The following NTRK3 variants were observed in gnomAD, a reference collection of about 807,000 sequenced individuals.
NTRK3 encodes the protein neurotrophic receptor tyrosine kinase 3.
NTRK3 carries 24 observed loss-of-function variants against 91.7 expected under a neutral mutation model. The ratio of observed to expected loss-of-function variants is 0.26; its 90% CI spans 0.19 to 0.37. NTRK3 has a LOEUF of 0.37. Among genes scored for constraint, NTRK3 ranks in the 10% least tolerant of loss-of-function variants. The pLI, the probability that NTRK3 is intolerant of heterozygous loss-of-function variation, is 1.00. For synonymous variants in NTRK3, 483 were observed against 404.0 expected (o/e 1.20, Z -2.34); for missense variants, 880 against 1,068.9 (o/e 0.82, Z 2.46).
intron 13 of NTRK3, among the ~76,000 whole-genome samples, chr15:88,121,683 G>T (rs2151066889): frequency 6.6e-6 from 1 of 152,298 alleles, no homozygotes; most frequent in South Asian, 2.1e-4. Context: ...GCCACCCCAT[G>T]ATCTGACAAT....
At chr15:88,207,212 T>C (rs2048869373) in intron 3 of NTRK3, among the ~76,000 whole-genome samples, 1 of 152,136 alleles carries the variant, frequency 6.6e-6, no homozygotes, top group Non-Finnish European at 1.5e-5. Context: ...GCTGGGACTA[T>C]TATATTACCT....
At chr15:88,134,515 C>T (rs148635787) in intron 10 of NTRK3, among the ~76,000 whole-genome samples, 202 of 152,246 alleles carry the variant, frequency 1.3e-3, no homozygotes, top group South Asian at 2.5e-3. Flanking sequence ...AAGCCACAGA[C>T]CTGGGGGCCT....
chr15:88,215,031 A>C (rs754662486), intron 3 of NTRK3, among the ~76,000 whole-genome samples: 4 of 152,210 alleles, frequency 2.6e-5, no homozygotes, highest in Non-Finnish European at 5.9e-5. Context: ...AGGAAGATTC[A>C]GTGATTTGCT....
chr15:88,036,406 C>G (rs981432962), intron 13 of NTRK3, among the ~76,000 whole-genome samples: 1 of 148,134 alleles, frequency 6.8e-6, no homozygotes, highest in African/African-American at 2.5e-5. Context: ...AACTTTTTAA[C>G]CTGGAAATCT....
intron 17 of NTRK3, chr15:87,916,374 A>G (rs2067446185): frequency 1.8e-6 from 1 of 542,624 alleles, no homozygotes; most frequent in Admixed American, 3.0e-5. Context: ...ACACATCCGT[A>G]AGGGCCCTCC....
chr15:87,972,729 G>T (rs1209177263), intron 14 of NTRK3, among the ~76,000 whole-genome samples: 1 of 152,136 alleles, frequency 6.6e-6, no homozygotes, highest in African/African-American at 2.4e-5. Flanking sequence ...CATATGGAAG[G>T]CTCATGTATC....
At chr15:88,025,674 G>A (rs73460514) in intron 14 of NTRK3, among the ~76,000 whole-genome samples, 2,883 of 152,308 alleles carry the variant, frequency 0.019, 82 homozygotes, top group African/African-American at 0.065. Flanking sequence ...GGATGGCCCT[G>A]TCAACACCTT....
intron 14 of NTRK3, among the ~76,000 whole-genome samples, chr15:87,946,833 C>A (rs573547075): frequency 6.7e-6 from 1 of 150,222 alleles, no homozygotes; most frequent in Non-Finnish European, 1.5e-5. Context: ...AGATACCAGG[C>A]TGAGCACATG....
Position 88,240,873 on chromosome 15 carries a change from C to T in NTRK3, c.248+15033G>A, listed in dbSNP as rs1260010502. Among the ~76,000 whole-genome samples the T allele has an allele frequency of 6.6e-6, 1 of 152,220 alleles. No individual in the cohort carries two copies. Among genetic ancestry groups the T allele is most frequent in the African/African-American group, 2.4e-5 (1 of 41,458 alleles). ...CGGGCTGCCCTGCTAAGGGCAAAGC[C>T]CGAGGCCCACAAAGGTGTGGAGAGC... is the stretch of plus-strand genomic sequence containing the variant. On this transcript the variant is annotated intron_variant, in intron 3 of 18. Coordinates refer to ENST00000394480, the Ensembl canonical transcript of NTRK3. This position sits in a 1 kb window ranked among gnomAD's most constrained non-coding sequence, Gnocchi z 4.9.
At position 88,083,902 on chromosome 15, in the gene NTRK3, C is replaced by A. The variant is rs188892981; in HGVS notation, c.1396+42369G>T. On this transcript the variant is annotated intron_variant, in intron 13 of 18. Coordinates refer to ENST00000394480, the Ensembl canonical transcript of NTRK3. ...GGGGAGGGGTGTAAGGCTTCTCCAG[C>A]AATCCCACAGCCTCCAATTCTGTCC... Among the ~76,000 whole-genome samples, 469 of 152,264 alleles carry A rather than the reference C, an allele frequency of 3.1e-3. 1 individual carries two copies. The highest frequency in any genetic ancestry group is 0.011 in the African/African-American group (443 of 41,556).
At chr15:87,966,887 C>T (rs1253883690) in intron 14 of NTRK3, among the ~76,000 whole-genome samples, 1 of 152,142 alleles carries the variant, frequency 6.6e-6, no homozygotes, top group African/African-American at 2.4e-5. Context: ...ACTGGGGTTT[C>T]TCAACGTTAA....
chr15:87,939,988 G>T (rs2069664519), intron 15 of NTRK3, among the ~76,000 whole-genome samples: 1 of 152,222 alleles, frequency 6.6e-6, no homozygotes, highest in African/African-American at 2.4e-5. Context: ...CAATACAGAA[G>T]CCCTGTGGTT....
At chr15:87,961,782 G>C (rs1341965054) in intron 14 of NTRK3, among the ~76,000 whole-genome samples, 3 of 152,248 alleles carry the variant, frequency 2.0e-5, no homozygotes, top group Admixed American at 2.0e-4. Flanking sequence ...CTTTGGCCTA[G>C]CCATTAACCC....
At chr15:87,908,112 C>A (rs759848532) in intron 17 of NTRK3, among the ~76,000 whole-genome samples, 17 of 152,186 alleles carry the variant, frequency 1.1e-4, no homozygotes, top group Non-Finnish European at 2.4e-4. Flanking sequence ...GGTCACACCT[C>A]CTGAAATGCA....
At chr15:88,023,333 G>A (rs564036325) in intron 14 of NTRK3, among the ~76,000 whole-genome samples, 2 of 152,106 alleles carry the variant, frequency 1.3e-5, no homozygotes, top group Admixed American at 1.3e-4. Context: ...AGAGACCTTG[G>A]GCTTACCAAA....
chr15:88,211,110 C>A (rs1263298974), intron 3 of NTRK3, among the ~76,000 whole-genome samples: 1 of 152,210 alleles, frequency 6.6e-6, no homozygotes, highest in Non-Finnish European at 1.5e-5. Flanking sequence ...GCAAACATCA[C>A]TTCTATTTAG....
intron 13 of NTRK3, among the ~76,000 whole-genome samples, chr15:88,086,353 C>T (rs1254387063): frequency 6.6e-6 from 1 of 152,090 alleles, no homozygotes. Flanking sequence ...CTGAGATGTG[C>T]TGTAATTATA....
At chr15:88,247,714 A>T (rs192026233) in intron 3 of NTRK3, among the ~76,000 whole-genome samples, 187 of 152,286 alleles carry the variant, frequency 1.2e-3, no homozygotes, top group South Asian at 7.5e-3. Context: ...GAAGCAGCAA[A>T]CGTGGAAAAT....
intron 14 of NTRK3, among the ~76,000 whole-genome samples, chr15:88,011,172 T>C (rs910811467): frequency 2.0e-5 from 3 of 152,086 alleles, no homozygotes; most frequent in African/African-American, 7.2e-5. Context: ...ACCCCACTCA[T>C]CCAGAGCTCC....
Sources: gnomAD v4.1 joint callset for allele counts (sites outside exome capture counted in the v4.1 genomes callset) on GRCh38, gnomAD v4.1.1 for gene constraint, Gnocchi (gnomAD v3.1) non-coding constraint, MANE v1.5 for transcripts, NCBI Gene and HGNC (gene_info 2026-07-23, HGNC 2026-07-21) for gene names.